The following SLC12A2 variants were observed in gnomAD, a reference collection of about 807,000 sequenced individuals.
SLC12A2 encodes Na-K-2Cl cotransporter 1.
A neutral mutation model predicts 136.3 loss-of-function variants in SLC12A2; 67 were observed. That is an observed-to-expected ratio of 0.49 (90% CI 0.40 to 0.60). The LOEUF (loss-of-function observed/expected upper bound fraction) is 0.60, where lower values mean the gene tolerates loss of function less well. Ranked by LOEUF, SLC12A2 falls within the 20% of genes least tolerant of loss-of-function variation. The pLI, the probability that SLC12A2 is intolerant of heterozygous loss-of-function variation, is 0.00. For synonymous variants in SLC12A2, 619 were observed against 562.9 expected, an observed-to-expected ratio of 1.10 and a Z score of -1.41; for missense variants, 1,322 against 1,534.7, an observed-to-expected ratio of 0.86 and a Z score of 2.32.
chr5:128,084,459 G>C lies in SLC12A2; in HGVS notation c.505G>C (p.Val169Leu). The C allele has an allele frequency of 6.2e-7, 1 of 1,613,032 alleles. No homozygotes were observed. The highest frequency in any genetic ancestry group is 1.1e-5 in the South Asian group (1 of 91,022). Reference protein sequence around the residue: ...AAGVGVDGPNVSFQNGGDTVL... With the variant: ...AAGVGVDGPNLSFQNGGDTVL... ...CGGGGTCGGAGTCGACGGGCCCAAC[G>C]TGAGCTTCCAGAACGGCGGGGACAC... The change falls in exon 1 of 27, where the codon GTG (valine) becomes CTG (leucine). Residue 169 changes from valine to leucine, a missense_variant. Val to Leu is a conservative substitution (Grantham distance 32). Coordinates refer to ENST00000262461, the MANE Select transcript of SLC12A2 (RefSeq NM_001046.3). The surrounding 1 kb of genome is among the most constrained non-coding windows in gnomAD (Gnocchi z 5.6).
chr5:128,133,175 A>G (rs898454023), intron 5 of SLC12A2, among the ~76,000 whole-genome samples: 1 of 152,110 alleles, frequency 6.6e-6, no homozygotes, highest in Non-Finnish European at 1.5e-5. Context: ...ACACTAAAAA[A>G]TTTTTTTGCA....
At chr5:128,155,135 C>T (rs1022495487) in intron 15 of SLC12A2, among the ~76,000 whole-genome samples, 8 of 152,058 alleles carry the variant, frequency 5.3e-5, no homozygotes, top group South Asian at 2.1e-4. Context: ...AGCACAGAGA[C>T]GCTGGATAAA....
chr5:128,180,916 C>A lies in SLC12A2; in HGVS notation c.3134C>A (p.Thr1045Asn), dbSNP rs777580088. ...TTATTGATACCTTACCTTCTGACGA[C>A]CAAGAAAAAATGGAAAGACTGTAAG... is the stretch of plus-strand genomic sequence containing the variant. Reference protein sequence around the residue: ...LTLLIPYLLTTKKKWKDCKIR... With the variant: ...LTLLIPYLLTNKKKWKDCKIR... The change falls in exon 23 of 27, where the codon ACC becomes AAC. Residue 1045 changes from threonine to asparagine, a missense_variant. Physicochemically the swap from Thr to Asn is moderately conservative, Grantham distance 65 (BLOSUM62 0). Coordinates refer to ENST00000262461, the MANE Select transcript of SLC12A2 (RefSeq NM_001046.3). 6.2e-7 allele frequency: 1 copy of A among 1,610,524 alleles called. No homozygotes were observed. Among genetic ancestry groups the A allele is most frequent in the Non-Finnish European group, 8.5e-7 (1 of 1,177,288 alleles).
intron 22 of SLC12A2, among the ~76,000 whole-genome samples, chr5:128,180,242 T>G (rs1243195502): frequency 1.3e-5 from 2 of 152,152 alleles, no homozygotes; most frequent in East Asian, 3.9e-4. Context: ...AGTGCTGGGA[T>G]TACAGGTGTG....
At chr5:128,178,874 C>T (rs191251037) in intron 22 of SLC12A2, among the ~76,000 whole-genome samples, 185 bp downstream of exon 22, 25 of 152,178 alleles carry the variant, frequency 1.6e-4, no homozygotes, top group African/African-American at 3.1e-4. Context: ...ATCCCTAATG[C>T]GGAGGTTGTT....
At position 128,132,512 on chromosome 5, in the gene SLC12A2, C is replaced by T. The variant is rs547493536; in HGVS notation, c.1188+1306C>T. On this transcript the variant is annotated intron_variant, in intron 5 of 26. Transcript: ENST00000262461. ...AGTTTGAATGTGTTAACTAGAAGAA[C>T]CATGAGTATATCCAAATAGAGCTGG... Among the ~76,000 whole-genome samples the T allele has an allele frequency of 8.5e-5, 13 of 152,224 alleles. No individual in the cohort carries two copies. In the South Asian group the frequency reaches 2.5e-3, roughly 29 times the overall value.
At chr5:128,117,919 A>G (rs1217875294) in intron 4 of SLC12A2, among the ~76,000 whole-genome samples, 10 of 152,290 alleles carry the variant, frequency 6.6e-5, no homozygotes, top group Admixed American at 2.6e-4. Flanking sequence ...TGAATAGACA[A>G]TTCTCAAAAC....
rs903527428 is a variant in SLC12A2 at position 128,187,323 on chromosome 5, C to G, written c.*692C>G. On this transcript the variant is annotated 3_prime_UTR_variant, in exon 27 of 27. Coordinates refer to ENST00000262461, the MANE Select transcript of SLC12A2 (RefSeq NM_001046.3). ...TAACCCCTCTGATTGGCTATTATTA[C>G]TATATTTATTATTATTTATTGAAAC... The G allele has an allele frequency of 1.3e-5, 2 of 151,950 alleles. No individual in the cohort carries two copies. Among genetic ancestry groups the G allele is most frequent in the African/African-American group, 4.8e-5 (2 of 41,380 alleles). The allele number at this position is 151,950 out of a possible 1,614,324, so 9.4% of individuals were successfully genotyped here. A position where few individuals can be genotyped will look rare whatever the true frequency, so the allele number is the denominator to read the frequency against.
chr5:128,113,679 T>A (rs1761240693), intron 2 of SLC12A2, among the ~76,000 whole-genome samples: 1 of 152,196 alleles, frequency 6.6e-6, no homozygotes, highest in South Asian at 2.1e-4. Flanking sequence ...TAGAAGACTA[T>A]GTTCTATGTA....
chr5:128,172,985 AAAC>A (rs1282371869), intron 19 of SLC12A2, among the ~76,000 whole-genome samples: 1 of 152,002 alleles, frequency 6.6e-6, no homozygotes, highest in Non-Finnish European at 1.5e-5. Flanking sequence ...AACAAAAAAA[AAAC>A]AACTGTGAAG....
At chr5:128,132,191 A>G (rs1762047525) in intron 5 of SLC12A2, among the ~76,000 whole-genome samples, 1 of 152,114 alleles carries the variant, frequency 6.6e-6, no homozygotes, top group African/African-American at 2.4e-5. Context: ...GTATCTGACC[A>G]TGGTACGGAG....
rs148691365 is a variant in SLC12A2, at chr5:128,167,657, G to C, written c.2617-104G>C. ...TGGAATGCTGAAGAATTTTTGTTAA[G>C]AGTGTCTATAGAAGCTGTCAATTTG... is the stretch of plus-strand genomic sequence containing the variant. On this transcript the variant is annotated intron_variant, in intron 17 of 26. Coordinates refer to ENST00000262461, the MANE Select transcript of SLC12A2 (RefSeq NM_001046.3). The C allele has an allele frequency of 2.5e-3, 1,672 of 666,146 alleles. 11 individuals are homozygous for C. Among genetic ancestry groups the C allele is most frequent in the African/African-American group, 0.019 (972 of 52,192 alleles). 41.3% of individuals were successfully genotyped at this position (666,146 alleles called of 1,614,324 possible).
At chr5:128,110,784 C>CA in intron 1 of SLC12A2, 1 of 1,472,724 alleles carries the variant, frequency 6.8e-7, no homozygotes, top group Non-Finnish European at 9.5e-7. Context: ...ATGAAGAGGC[C>CA]AAAAAGATAG....
At chr5:128,114,482 T>G in intron 3 of SLC12A2, 104 bp from the exon 4 acceptor site, 2 of 867,176 alleles carry the variant, frequency 2.3e-6, no homozygotes, top group Non-Finnish European at 1.8e-6. Flanking sequence ...GGGTAATTTA[T>G]AACTTAAAAT....
intron 24 of SLC12A2, among the ~76,000 whole-genome samples, chr5:128,183,732 T>C (rs1046039367): frequency 3.3e-5 from 5 of 152,056 alleles, no homozygotes; most frequent in Non-Finnish European, 7.4e-5. Context: ...TTTTATTCAT[T>C]GATAACTGGG....
chr5:128,141,636 A>G (rs1469924471), intron 9 of SLC12A2, among the ~76,000 whole-genome samples, 194 bp from the exon 10 acceptor site: 2 of 152,186 alleles, frequency 1.3e-5, no homozygotes, highest in Non-Finnish European at 2.9e-5. Flanking sequence ...CAGTTTCATC[A>G]CATATTGGGG....
rs140428806 is a variant in SLC12A2, at chr5:128,084,393, G to A, written c.439G>A (p.Ala147Thr). 1.1e-5 allele frequency: 17 copies of A among 1,609,312 alleles called. No individual in the cohort carries two copies. Among genetic ancestry groups the A allele is most frequent in the Non-Finnish European group, 1.3e-5 (15 of 1,178,574 alleles). Residue 147 changes from alanine (A) to threonine (T), a missense_variant, in exon 1 of 27, where the codon GCT (alanine) becomes ACT (threonine). By Grantham distance (58) the Ala-to-Thr change is moderately conservative (BLOSUM62 0). Transcript: ENST00000262461. The surrounding 1 kb of genome is among the most constrained non-coding windows in gnomAD (Gnocchi z 5.6). ...CTTCCGCGTGAACTTCGTGGACCCA[G>A]CTGCCTCCTCGTCGGCTGAAGACAG... ...GRFRVNFVDP[A>T]ASSSAEDSLS...
chr5:128,138,781 T>G, intron 8 of SLC12A2, 43 bp from the exon 9 acceptor site: 1 of 1,599,692 alleles, frequency 6.3e-7, no homozygotes, highest in Non-Finnish European at 8.5e-7. Context: ...ATTTGTATAT[T>G]TATTTTTACA....
chr5:128,106,421 A>T (rs2126660594), intron 1 of SLC12A2, among the ~76,000 whole-genome samples: 1 of 152,242 alleles, frequency 6.6e-6, no homozygotes, highest in African/African-American at 2.4e-5. Context: ...TATTTCTCTG[A>T]AACAAATTTA....
Sources: allele counts gnomAD v4.1 joint callset (sites outside exome capture counted in the v4.1 genomes callset), GRCh38; gene constraint gnomAD v4.1.1; non-coding constraint Gnocchi (gnomAD v3.1); transcripts MANE v1.5; gene names NCBI Gene and HGNC (gene_info 2026-07-23, HGNC 2026-07-21).